The following STXBP2 variants were observed in gnomAD, a reference collection of about 807,000 sequenced individuals.
The protein encoded by STXBP2 is syntaxin-binding protein 2.
STXBP2 carries 47 observed loss-of-function variants against 72.2 expected under a neutral mutation model. The observed-to-expected ratio is 0.65, with a 90% CI of 0.51 to 0.83. STXBP2 has a LOEUF of 0.83. Among genes scored for constraint, STXBP2 ranks in the 40% least tolerant of loss-of-function variants. The pLI is 0.00. For synonymous variants in STXBP2, 367 were observed against 338.7 expected, an observed-to-expected ratio of 1.08 and a Z score of -0.92; for missense variants, 702 against 807.6, an observed-to-expected ratio of 0.87 and a Z score of 1.58.
At chr19:7,630,885 G>C in the STXBP2 span, 1 of 1,537,056 alleles carries the variant, frequency 6.5e-7, no homozygotes, top group Non-Finnish European at 8.7e-7. Context: ...GATGGAGGAG[G>C]CTGGATTCTT....
intron 6 of STXBP2, 81 bp downstream of exon 6, chr19:7,641,084 G>C: frequency 1.4e-6 from 2 of 1,438,260 alleles, no homozygotes; most frequent in Non-Finnish European, 1.9e-6. Context: ...AGACACTGAG[G>C]CTGGGCGCAG....
At chr19:7,637,644 C>A (rs1466527935) in intron 1 of STXBP2, among the ~76,000 whole-genome samples, 1 of 152,174 alleles carries the variant, frequency 6.6e-6, no homozygotes, top group African/African-American at 2.4e-5. Flanking sequence ...TAGGGGATGT[C>A]TTCCTCCTTG....
At chr19:7,638,858 AG>A (rs1393603961) in intron 2 of STXBP2, 83 bp downstream of exon 2, 2 of 1,597,480 alleles carry the variant, frequency 1.3e-6, no homozygotes, top group Non-Finnish European at 1.7e-6. Context: ...GGGACCCCCA[AG>A]AACTGCCTGT....
intron 1 of STXBP2, among the ~76,000 whole-genome samples, chr19:7,638,039 G>T (rs887771960): frequency 6.6e-6 from 1 of 152,232 alleles, no homozygotes; most frequent in African/African-American, 2.4e-5. Flanking sequence ...CAGGTTGGGG[G>T]GACTGGCTGA....
chr19:7,641,504 T>C (rs2031874910), intron 6 of STXBP2, among the ~76,000 whole-genome samples: 2 of 152,082 alleles, frequency 1.3e-5, no homozygotes, highest in African/African-American at 2.4e-5. Context: ...CCAGCCAGCT[T>C]AAGGGACACG....
At chr19:7,633,397 G>A (rs1476082246), upstream of STXBP2, 3 of 1,565,984 alleles carry the variant, frequency 1.9e-6, no homozygotes, top group Admixed American at 1.9e-5. Flanking sequence ...TGGGGGCAGG[G>A]CCCTCTCACC....
rs761329350 is a variant in STXBP2, at chr19:7,639,821, TGAGC to T, written c.246+16_246+19del. On this transcript the variant is annotated intron_variant, in intron 4 of 18. Transcript: ENST00000221283. ...CCCACGGAGAAGGTGCCTACATGAG[TGAGC>T]GTGTGTGTATGCGCGTGCATGCGTG... 7 of 1,613,502 alleles carry T rather than the reference TGAGC, an allele frequency of 4.3e-6. 1 individual carries two copies. The highest frequency in any genetic ancestry group is 5.9e-6 in the Non-Finnish European group (7 of 1,179,758).
the STXBP2 span, chr19:7,631,266 G>A: frequency 1.3e-4 from 181 of 1,413,494 alleles, no homozygotes; most frequent in Non-Finnish European, 1.6e-4. Context: ...AGGAGTAGAT[G>A]GTTTCCTTAT....
At chr19:7,631,877 G>A in the STXBP2 span, 1 of 1,353,816 alleles carries the variant, frequency 7.4e-7, no homozygotes, top group Non-Finnish European at 9.6e-7. Context: ...GGCGAACAAT[G>A]GAGAGAGGGT....
At chr19:7,645,999 C>G in intron 15 of STXBP2, 1 of 578,978 alleles carries the variant, frequency 1.7e-6, no homozygotes, top group Non-Finnish European at 3.1e-6. Context: ...ATCTCTTTGC[C>G]TATCTCTGCC....
chr19:7,630,153 G>A, the STXBP2 span: 2 of 475,066 alleles, frequency 4.2e-6, no homozygotes, highest in Admixed American at 7.8e-5. Context: ...AAGATCCTGG[G>A]GGAGCTCTCG....
the STXBP2 span, chr19:7,631,874 A>G: frequency 7.4e-7 from 1 of 1,359,190 alleles, no homozygotes. Flanking sequence ...GGTGGCGAAC[A>G]ATGGAGAGAG....
chr19:7,645,409 C>T, intron 15 of STXBP2, 103 bp downstream of exon 15: 2 of 1,194,042 alleles, frequency 1.7e-6, no homozygotes, highest in Non-Finnish European at 2.4e-6. Context: ...GGTGTGGTTC[C>T]TGGCGTGGTG....
the STXBP2 span, chr19:7,631,412 T>A: frequency 1.1e-5 from 9 of 795,852 alleles, no homozygotes; most frequent in Non-Finnish European, 1.5e-5. Context: ...GGGGGGGTGG[T>A]CCCGGCTCTG....
At chr19:7,630,768 A>C in the STXBP2 span, 1 of 1,536,886 alleles carries the variant, frequency 6.5e-7, no homozygotes, top group South Asian at 1.2e-5. Context: ...CCCTGCCCTG[A>C]TGTGGGGCTC....
the STXBP2 span, chr19:7,631,675 G>T: frequency 6.8e-7 from 1 of 1,470,552 alleles, no homozygotes; most frequent in East Asian, 2.5e-5. Context: ...TGAGACCCAG[G>T]ATGCCTCAGG....
intron 3 of STXBP2, chr19:7,639,458 C>T (rs1042042455): frequency 1.7e-6 from 1 of 574,984 alleles, no homozygotes; most frequent in East Asian, 3.0e-5. Context: ...GTGTCCCAGT[C>T]ACTTTGCCAT....
chr19:7,646,170 A>G lies in STXBP2; in HGVS notation c.1357-79A>G, dbSNP rs770414353. 77 of 1,244,536 alleles carry G rather than the reference A, an allele frequency of 6.2e-5. No homozygotes were observed. The African/African-American group carries it at 1.1e-3, about 18-fold the overall frequency. The allele number at this position is 1,244,536 out of a possible 1,614,324, so 77.1% of individuals were successfully genotyped here. ...TTTGCCTGCCATCCCCCACCCTACCAGCCACACCAGGCGCAGCCCCTCTGT... is the reference window on the plus strand; with the variant it reads ...TTTGCCTGCCATCCCCCACCCTACCGGCCACACCAGGCGCAGCCCCTCTGT... On this transcript the variant is annotated intron_variant, in intron 15 of 18. Transcript: ENST00000221283.
At chr19:7,639,279 A>C (rs1169313755) in intron 3 of STXBP2, 179 bp downstream of exon 3, 1 of 731,656 alleles carries the variant, frequency 1.4e-6, no homozygotes, top group Non-Finnish European at 2.4e-6. Flanking sequence ...TAAACCTTGC[A>C]AGCTGACTGC....
Sources: gnomAD v4.1 joint callset for allele counts (sites outside exome capture counted in the v4.1 genomes callset) on GRCh38, gnomAD v4.1.1 for gene constraint, MANE v1.5 for transcripts, NCBI Gene and HGNC (gene_info 2026-07-23, HGNC 2026-07-21) for gene names.